The following CAMTA1 variants were observed in gnomAD, a reference collection of about 807,000 sequenced individuals.
The protein encoded by CAMTA1 is calmodulin-binding transcription activator 1.
CAMTA1 carries 27 observed loss-of-function variants against 170.9 expected under a neutral mutation model. The observed-to-expected ratio is 0.16, with a 90% confidence interval of 0.12 to 0.22. The LOEUF (loss-of-function observed/expected upper bound fraction) is 0.22. Ranked by LOEUF, CAMTA1 falls within the 10% of genes least tolerant of loss-of-function variation. The pLI is 1.00. For synonymous variants in CAMTA1, 833 were observed against 891.5 expected, an observed-to-expected ratio of 0.93 and a Z score of 1.17; for missense variants, 1,619 against 2,217.2, an observed-to-expected ratio of 0.73 and a Z score of 5.42.
intron 4 of CAMTA1, among the ~76,000 whole-genome samples, chr1:7,135,086 T>G (rs927948064): frequency 4.6e-5 from 7 of 152,022 alleles, no homozygotes; most frequent in African/African-American, 1.7e-4. Flanking sequence ...AGAAGGGTGA[T>G]TATTAAAAAG....
chr1:7,729,114 C>CTTTTTT (rs146252158), intron 11 of CAMTA1, among the ~76,000 whole-genome samples: 11 of 142,280 alleles, frequency 7.7e-5, no homozygotes, highest in Non-Finnish European at 7.7e-5. Flanking sequence ...TATGAGGAAT[C>CTTTTTT]TTTTTTTTTC....
intron 11 of CAMTA1, among the ~76,000 whole-genome samples, chr1:7,705,527 G>T (rs915185319): frequency 6.6e-6 from 1 of 150,504 alleles, no homozygotes; most frequent in African/African-American, 2.4e-5. Flanking sequence ...CGCGGGCGGG[G>T]CTGGGGCGGC....
In CAMTA1 at chr1:7,732,065, T is replaced by C. The variant is rs1264718686; in HGVS notation, c.2915-383T>C. ...CCTTCCTTTCTTGCTGTGATTGCTT[T>C]CTTCTACTAGTTTAATTTAAATTGT... On this transcript the variant is annotated intron_variant, in intron 11 of 22. Transcript: ENST00000303635. The surrounding 1 kb of genome is among the most constrained non-coding windows in gnomAD (Gnocchi z 4.1). Among the ~76,000 whole-genome samples the C allele has an allele frequency of 6.6e-6, 1 of 152,100 alleles. No homozygotes were observed. The highest frequency in any genetic ancestry group is 2.4e-5 in the African/African-American group (1 of 41,412).
At chr1:7,529,316 G>A (rs2094465075) in intron 6 of CAMTA1, among the ~76,000 whole-genome samples, 1 of 151,990 alleles carries the variant, frequency 6.6e-6, no homozygotes, top group Admixed American at 6.6e-5. Context: ...CATGGGCTGG[G>A]TCTGCATCTC....
chr1:7,400,923 G>A (rs894637336), intron 5 of CAMTA1, among the ~76,000 whole-genome samples: 7 of 152,136 alleles, frequency 4.6e-5, no homozygotes, highest in Admixed American at 3.3e-4. Flanking sequence ...TTATCATTAT[G>A]TGATTTGCAA....
At chr1:7,115,831 C>T (rs1386375516) in intron 4 of CAMTA1, among the ~76,000 whole-genome samples, 1 of 152,142 alleles carries the variant, frequency 6.6e-6, no homozygotes, top group African/African-American at 2.4e-5. Flanking sequence ...AGGAGGGCAT[C>T]TTCTCACTCA....
chr1:7,121,239 A>T (rs1644623083), intron 4 of CAMTA1, among the ~76,000 whole-genome samples: 1 of 152,202 alleles, frequency 6.6e-6, no homozygotes, highest in Non-Finnish European at 1.5e-5. Flanking sequence ...AAGGAACATG[A>T]GCTATGTGTG....
Position 7,628,229 on chromosome 1 carries a change from C to G in CAMTA1, c.511-12171C>G, listed in dbSNP as rs191007180. On this transcript the variant is annotated intron_variant, in intron 6 of 22. Coordinates refer to ENST00000303635, the MANE Select transcript of CAMTA1 (RefSeq NM_015215.4). ...TTCCAGGAGCACTAGATTTCATTCT[C>G]CCAGGTTCGAGTTCAGCAGGAAAGA... Among the ~76,000 whole-genome samples the G allele has an allele frequency of 2.9e-3, 442 of 152,296 alleles. 1 individual carries two copies. Among genetic ancestry groups the G allele is most frequent in the African/African-American group, 0.01 (428 of 41,558 alleles).
intron 3 of CAMTA1, chr1:6,886,484 C>T: frequency 1.4e-5 from 5 of 360,664 alleles, no homozygotes; most frequent in South Asian, 1.1e-4. Context: ...GCCCACAGCT[C>T]TTCTCGCAGC....
At chr1:6,870,982 G>T (rs2148986588) in intron 3 of CAMTA1, among the ~76,000 whole-genome samples, 1 of 152,234 alleles carries the variant, frequency 6.6e-6, no homozygotes, top group Non-Finnish European at 1.5e-5. Context: ...GATTTGGGTG[G>T]TAGCTTCATG....
chr1:7,728,490 C>G (rs574917359), intron 11 of CAMTA1, among the ~76,000 whole-genome samples: 56 of 152,190 alleles, frequency 3.7e-4, no homozygotes, highest in Admixed American at 1.1e-3. Flanking sequence ...TGCTCTGGAA[C>G]AAGTGAAATG....
chr1:6,926,722 T>C (rs1464900832), intron 3 of CAMTA1, among the ~76,000 whole-genome samples: 2 of 150,340 alleles, frequency 1.3e-5, no homozygotes, highest in African/African-American at 4.9e-5. Flanking sequence ...CTTCTCTCTT[T>C]TCTTTCTTTC....
At chr1:7,301,994 G>T (rs756483027) in intron 5 of CAMTA1, among the ~76,000 whole-genome samples, 5 of 152,152 alleles carry the variant, frequency 3.3e-5, no homozygotes, top group Admixed American at 2.6e-4. Context: ...TCCAGGACTC[G>T]TTCTGGCTCA....
At chr1:7,254,571 GC>G (rs1327867200) in intron 5 of CAMTA1, among the ~76,000 whole-genome samples, 1 of 152,154 alleles carries the variant, frequency 6.6e-6, no homozygotes, top group Non-Finnish European at 1.5e-5. Context: ...TAGAAGCCCG[GC>G]ATTAGGATGG....
At position 7,146,598 on chromosome 1, in the gene CAMTA1, C is replaced by T. The variant is rs2148653138; in HGVS notation, c.302+55227C>T. 1.3e-5 allele frequency among the ~76,000 whole-genome samples: 2 copies of T among 151,968 alleles called. No individual in the cohort carries two copies. Among genetic ancestry groups the T allele is most frequent in the East Asian group, 3.9e-4 (2 of 5,088 alleles). ...CCTGCCGGCTCCTCCTCCTTGAACA[C>T]CAACCATCAGGTTGCCAGGACCTGT... On this transcript the variant is annotated intron_variant, in intron 4 of 22. Coordinates refer to ENST00000303635, the MANE Select transcript of CAMTA1 (RefSeq NM_015215.4). The surrounding 1 kb of genome is among the most constrained non-coding windows in gnomAD (Gnocchi z 4.3).
intron 5 of CAMTA1, among the ~76,000 whole-genome samples, chr1:7,348,552 G>A (rs2084399029): frequency 7.2e-6 from 1 of 138,636 alleles, no homozygotes; most frequent in African/African-American, 3.3e-5. Flanking sequence ...TAAAGGTTCG[G>A]CCGCCTACAA....
At chr1:7,446,873 G>T in intron 5 of CAMTA1, among the ~76,000 whole-genome samples, 1 of 152,208 alleles carries the variant, frequency 6.6e-6, no homozygotes, top group East Asian at 1.9e-4. Context: ...CCTTGTAAGG[G>T]CACCTGGTCT....
At chr1:7,646,035 C>T (rs1448479078) in intron 7 of CAMTA1, among the ~76,000 whole-genome samples, 5 of 150,976 alleles carry the variant, frequency 3.3e-5, no homozygotes, top group African/African-American at 1.2e-4. Flanking sequence ...ATAGTGAGTG[C>T]AGGTGAAGGC....
At chr1:7,320,050 A>G (rs551818261) in intron 5 of CAMTA1, among the ~76,000 whole-genome samples, 21 of 152,322 alleles carry the variant, frequency 1.4e-4, no homozygotes, top group African/African-American at 4.8e-4. Context: ...TCTGCAAATA[A>G]TGAAAGTTTT....
Sources: allele counts gnomAD v4.1 joint callset (sites outside exome capture counted in the v4.1 genomes callset), GRCh38; gene constraint gnomAD v4.1.1; non-coding constraint Gnocchi (gnomAD v3.1); transcripts MANE v1.5; gene names NCBI Gene and HGNC (gene_info 2026-07-23, HGNC 2026-07-21).